Variants in MACF1 observed in about 807,000 individuals in gnomAD.
MACF1 encodes microtubule actin crosslinking factor 1.
In MACF1, 193 loss-of-function variants were observed where a neutral mutation model predicts 854.8. The observed-to-expected ratio is 0.23, with a 90% CI of 0.20 to 0.25. The LOEUF (loss-of-function observed/expected upper bound fraction) is 0.25, where lower values mean the gene tolerates loss of function less well. Among genes scored for constraint, MACF1 ranks in the 10% least tolerant of loss-of-function variants. MACF1 has a pLI of 1.00. For synonymous variants in MACF1, 3,185 were observed against 3,226.7 expected (o/e 0.99, Z 0.44); for missense variants, 7,722 against 8,929.1 (o/e 0.86, Z 5.45).
At position 39,460,862 on chromosome 1, in the gene MACF1, A is replaced by G. The variant is rs1013400387; in HGVS notation, c.21523+68A>G. The G allele has an allele frequency of 7.7e-6, 12 of 1,555,838 alleles. No homozygotes were observed. The highest frequency in any genetic ancestry group is 9.7e-6 in the Non-Finnish European group (11 of 1,130,712). ...CCTTGCACTTTGTAGAAGCTGTGATATTCTAGCTAAACAGTCTTTCTGAAG... is the reference window on the plus strand; with the variant it reads ...CCTTGCACTTTGTAGAAGCTGTGATGTTCTAGCTAAACAGTCTTTCTGAAG... On this transcript the variant is annotated intron_variant, in intron 92 of 100. Coordinates refer to ENST00000564288, the MANE Select transcript of MACF1 (RefSeq NM_001394062.1). The surrounding 1 kb of genome is among the most constrained non-coding windows in gnomAD (Gnocchi z 4.1).
Position 39,480,910 on chromosome 1 carries a change from C to T in MACF1, c.22171-10C>T, listed in dbSNP as rs1446686633. The T allele has an allele frequency of 1.6e-5, 24 of 1,476,092 alleles. No individual in the cohort carries two copies. Among genetic ancestry groups the T allele is most frequent in the Non-Finnish European group, 2.1e-5 (23 of 1,079,722 alleles). The allele number at this position is 1,476,092 out of a possible 1,614,324, so 91.4% of individuals were successfully genotyped here. On this transcript the variant is annotated splice_polypyrimidine_tract_variant and intron_variant, in intron 98 of 100. Coordinates refer to ENST00000564288, the MANE Select transcript of MACF1 (RefSeq NM_001394062.1). ...GTTCCTGTCCTTCCCTTTGGATTTCCGTTTCACAGACTTCACTTCAGTTCT... is the reference window on the plus strand; with the variant it reads ...GTTCCTGTCCTTCCCTTTGGATTTCTGTTTCACAGACTTCACTTCAGTTCT...
At chr1:39,394,756 G>A (rs749687363) in intron 58 of MACF1, among the ~76,000 whole-genome samples, 2 of 152,212 alleles carry the variant, frequency 1.3e-5, no homozygotes, top group Non-Finnish European at 2.9e-5. Flanking sequence ...TAGTACACCT[G>A]CCTGAGAGTG....
At chr1:39,234,968 C>T (rs1295544041) in intron 2 of MACF1, among the ~76,000 whole-genome samples, 4 of 151,738 alleles carry the variant, frequency 2.6e-5, no homozygotes, top group Admixed American at 1.3e-4. Context: ...AAGAGGTGCT[C>T]CTCACTTCCT....
chr1:39,185,871 C>G lies in MACF1; in HGVS notation c.221-45311C>G, dbSNP rs17502726. 5.5e-3 allele frequency among the ~76,000 whole-genome samples: 830 copies of G among 152,188 alleles called. 5 individuals are homozygous for G. The highest frequency in any genetic ancestry group is 8.5e-3 in the Non-Finnish European group (576 of 68,006). On this transcript the variant is annotated intron_variant, in intron 2 of 93. Transcript: ENST00000361689. Reference sequence around the variant, plus strand: ...CAAATCATTAGAAGAGATTTTTAACCTGAAGTGCTGAAGGACCCAGGGAAG... The same window carrying G: ...CAAATCATTAGAAGAGATTTTTAACGTGAAGTGCTGAAGGACCCAGGGAAG...
intron 18 of MACF1, 97 bp downstream of exon 18, chr1:39,293,716 A>C (rs1645841918): frequency 8.2e-7 from 1 of 1,212,656 alleles, no homozygotes; most frequent in Non-Finnish European, 1.2e-6. Flanking sequence ...CTGGAGTTGC[A>C]CTCTGCTAGA....
At chr1:39,273,329 CCTTCGAGT>C (rs1645366630) in intron 6 of MACF1, among the ~76,000 whole-genome samples, 1 of 151,574 alleles carries the variant, frequency 6.6e-6, no homozygotes, top group South Asian at 2.1e-4. Flanking sequence ...TTGCCACAAC[CCTTCGAGT>C]CTCTACAATT....
chr1:39,243,302 G>GT (rs1479217834), intron 2 of MACF1, among the ~76,000 whole-genome samples: 5 of 152,184 alleles, frequency 3.3e-5, no homozygotes, highest in South Asian at 4.1e-4. Context: ...CTGAATTGCA[G>GT]TTTTTTACTC....
Position 39,108,904 on chromosome 1 carries a change from T to TGGGA in MACF1, c.220+24467_220+24468insGGAG, listed in dbSNP as rs1642322441. 3.3e-5 allele frequency among the ~76,000 whole-genome samples: 5 copies of TGGGA among 152,334 alleles called. No homozygotes were observed. The South Asian group carries it at 1.0e-3, about 32-fold the overall frequency. On this transcript the variant is annotated intron_variant, in intron 2 of 93. Transcript: ENST00000361689. ...ATTGGTAACATCTATCTGGTACTTATGAAATTCAGAATTGTCACTAAGTGT... is the reference window on the plus strand; with the variant it reads ...ATTGGTAACATCTATCTGGTACTTATGGGAGAAATTCAGAATTGTCACTAAGTGT...
Position 39,131,989 on chromosome 1 carries a change from T to C in MACF1, c.220+47551T>C, listed in dbSNP as rs192769104. Among the ~76,000 whole-genome samples the C allele has an allele frequency of 3.5e-3, 527 of 152,290 alleles. 3 individuals carry two copies. Among genetic ancestry groups the C allele is most frequent in the Non-Finnish European group, 5.7e-3 (390 of 68,030 alleles). On this transcript the variant is annotated intron_variant, in intron 2 of 93. Coordinates refer to the MACF1 transcript ENST00000361689. ...AGTAACAGTTATTTTGCGGTTCCTT[T>C]ACGTGGAGAACCTTTAGAAGTGTTC...
chr1:39,310,235 T>G lies in MACF1; in HGVS notation c.2917-10T>G. The stretch of plus-strand genomic sequence containing the variant: ...TTCTGTTGCAATTTCTTCTGGCTTT[T>G]TCTTTCTAGCTTCGATCCTCAGCAC... On this transcript the variant is annotated splice_polypyrimidine_tract_variant and intron_variant, in intron 24 of 100. Transcript: ENST00000564288. 2 of 1,593,826 alleles carry G rather than the reference T, an allele frequency of 1.3e-6. No homozygotes were observed. The highest frequency in any genetic ancestry group is 8.5e-7 in the Non-Finnish European group (1 of 1,172,350).
At chr1:39,195,700 A>G (rs2148254256) in intron 2 of MACF1, among the ~76,000 whole-genome samples, 1 of 152,350 alleles carries the variant, frequency 6.6e-6, no homozygotes, top group African/African-American at 2.4e-5. Context: ...ACGTGCCAGG[A>G]TAATGAGGGA....
intron 33 of MACF1, 35 bp downstream of exon 33, chr1:39,323,043 T>C (rs774959204): frequency 1.9e-6 from 3 of 1,593,108 alleles, no homozygotes; most frequent in Non-Finnish European, 2.6e-6. Context: ...ATCTTGAAAG[T>C]ACAGTAAAAC....
chr1:39,273,560 G>GGT (rs1645371259), intron 6 of MACF1, among the ~76,000 whole-genome samples: 1 of 152,026 alleles, frequency 6.6e-6, no homozygotes, highest in South Asian at 2.1e-4. Context: ...GAATGCAGAA[G>GGT]GTAAAGTTAT....
At chr1:39,300,078 G>A (rs1490565573) in intron 21 of MACF1, 132 bp from the exon 22 acceptor site, 1 of 863,220 alleles carries the variant, frequency 1.2e-6, no homozygotes, top group African/African-American at 1.7e-5. Context: ...CTTTAAGATG[G>A]CTCCACCAAC....
Position 39,291,966 on chromosome 1 carries a change from A to G in MACF1, c.1842A>G (p.Leu614=), listed in dbSNP as rs764313188. The G allele has an allele frequency of 3.2e-5, 51 of 1,613,980 alleles. 1 individual carries two copies. The highest frequency in any genetic ancestry group is 1.7e-6 in the Non-Finnish European group (2 of 1,179,998). Residue 614 remains leucine (L), a synonymous_variant, in exon 16 of 101, where the codon CTA becomes CTG. Coordinates refer to ENST00000564288, the MANE Select transcript of MACF1 (RefSeq NM_001394062.1). ...GNDLPSVELQ[L]ETQQHIHTSV... ...ACCTGCCTAGTGTGGAGTTGCAGCT[A>G]GAAACACAGCAGCACATCCATACGA... is the stretch of plus-strand genomic sequence containing the variant.
intron 6 of MACF1, among the ~76,000 whole-genome samples, chr1:39,259,329 T>C (rs1382408515): frequency 6.6e-6 from 1 of 152,230 alleles, no homozygotes; most frequent in Non-Finnish European, 1.5e-5. Context: ...TGATGTGTTC[T>C]TGGCTCACTG....
chr1:39,167,472 C>T (rs569142955), intron 2 of MACF1, among the ~76,000 whole-genome samples: 19 of 151,472 alleles, frequency 1.3e-4, no homozygotes, highest in African/African-American at 3.9e-4. Flanking sequence ...TTTGGGAGGC[C>T]GAGGTGAGCG....
rs5773652 is a variant in MACF1 at position 39,215,443 on chromosome 1, G to GTT, written c.109+10325_109+10326dup. On this transcript the variant is annotated intron_variant, in intron 1 of 100. Coordinates refer to ENST00000564288, the MANE Select transcript of MACF1 (RefSeq NM_001394062.1). ...TGTGCTGTATGGGTTAGTATGTGAA[G>GTT]TTTTTTTTTTTTTTGCTTGTCCGGG... is the stretch of plus-strand genomic sequence containing the variant. 3.1e-3 allele frequency: 451 copies of GTT among 145,466 alleles called. 1 individual carries two copies. The highest frequency in any genetic ancestry group is 4.4e-3 in the Admixed American group (64 of 14,574). The allele number at this position is 145,466 out of a possible 1,614,324, so 9.0% of individuals were successfully genotyped here. A position where few individuals can be genotyped will look rare whatever the true frequency, so the allele number is the denominator to read the frequency against.
intron 58 of MACF1, among the ~76,000 whole-genome samples, chr1:39,418,611 C>T (rs1443084002): frequency 6.6e-6 from 1 of 152,246 alleles, no homozygotes; most frequent in African/African-American, 2.4e-5. Context: ...GCCTGTAATC[C>T]TAGCACTTTG....
Sources: allele counts gnomAD v4.1 joint callset (sites outside exome capture counted in the v4.1 genomes callset), GRCh38; gene constraint gnomAD v4.1.1; non-coding constraint Gnocchi (gnomAD v3.1); transcripts MANE v1.5; gene names NCBI Gene and HGNC (gene_info 2026-07-23, HGNC 2026-07-21).